Variants in CAMTA1 observed in about 807,000 individuals in gnomAD.
The protein encoded by CAMTA1 is calmodulin binding transcription activator 1.
A neutral mutation model predicts 170.9 loss-of-function variants in CAMTA1; 27 were observed. The ratio of observed to expected loss-of-function variants is 0.16; its 90% CI spans 0.12 to 0.22. CAMTA1 has a LOEUF of 0.22. Among genes scored for constraint, CAMTA1 ranks in the 10% least tolerant of loss-of-function variants. The pLI, the probability that CAMTA1 is intolerant of heterozygous loss-of-function variation, is 1.00. For synonymous variants in CAMTA1, 833 were observed against 891.5 expected (o/e 0.93, Z 1.17); for missense variants, 1,619 against 2,217.2 (o/e 0.73, Z 5.42).
At chr1:7,607,425 G>GGATT (rs58963562) in intron 6 of CAMTA1, among the ~76,000 whole-genome samples, 13 of 151,244 alleles carry the variant, frequency 8.6e-5, no homozygotes, top group Non-Finnish European at 1.8e-4. Flanking sequence ...ATGGATGGAT[G>GGATT]TGTAGATGGA....
chr1:7,366,345 A>T (rs966741143), intron 5 of CAMTA1, among the ~76,000 whole-genome samples: 2 of 152,098 alleles, frequency 1.3e-5, no homozygotes, highest in Non-Finnish European at 2.9e-5. Context: ...CATGAGGTAT[A>T]TTCCACATGG....
chr1:7,612,169 T>C (rs1234926545), intron 6 of CAMTA1, among the ~76,000 whole-genome samples: 1 of 152,190 alleles, frequency 6.6e-6, no homozygotes, highest in Admixed American at 6.5e-5. Flanking sequence ...TCTTGTCCGG[T>C]ATCCCAGAAG....
intron 6 of CAMTA1, among the ~76,000 whole-genome samples, chr1:7,499,666 CATGA>C (rs1485528888): frequency 1.7e-5 from 2 of 119,588 alleles, no homozygotes; most frequent in African/African-American, 6.6e-5. Flanking sequence ...TGAGTGTGTG[CATGA>C]GTGTGTGTGA....
chr1:7,499,768 TG>T (rs1557824366), intron 6 of CAMTA1, among the ~76,000 whole-genome samples: 2 of 123,532 alleles, frequency 1.6e-5, no homozygotes, highest in Non-Finnish European at 3.3e-5. Context: ...GAGCCTGTTG[TG>T]AGTGTGTGTG....
At chr1:7,402,553 T>G (rs2089982180) in intron 5 of CAMTA1, among the ~76,000 whole-genome samples, 1 of 152,210 alleles carries the variant, frequency 6.6e-6, no homozygotes, top group Non-Finnish European at 1.5e-5. Flanking sequence ...GCCCATTATA[T>G]GCTGCAGTCG....
At chr1:7,438,094 G>A (rs969512170) in intron 5 of CAMTA1, among the ~76,000 whole-genome samples, 3 of 152,196 alleles carry the variant, frequency 2.0e-5, no homozygotes, top group African/African-American at 7.2e-5. Flanking sequence ...TCAGGAGTAG[G>A]GGTGTAGAGG....
At chr1:6,926,452 C>CT (rs772101602) in intron 3 of CAMTA1, among the ~76,000 whole-genome samples, 1 of 107,726 alleles carries the variant, frequency 9.3e-6, no homozygotes, top group Admixed American at 8.5e-5. Flanking sequence ...TTCTTTCTTT[C>CT]TTTCTTTCTT....
At chr1:7,559,368 C>A (rs988192382) in intron 6 of CAMTA1, among the ~76,000 whole-genome samples, 2 of 152,022 alleles carry the variant, frequency 1.3e-5, no homozygotes, top group Non-Finnish European at 2.9e-5. Flanking sequence ...TGGCCCTGGA[C>A]GGCCACAGCA....
At chr1:7,131,230 GTGCGAGCCAC>G (rs1340741192) in intron 4 of CAMTA1, among the ~76,000 whole-genome samples, 4 of 152,138 alleles carry the variant, frequency 2.6e-5, no homozygotes, top group Non-Finnish European at 4.4e-5. Context: ...AGGATTACAG[GTGCGAGCCAC>G]TGCGCCCGGC....
Position 7,467,700 on chromosome 1 carries a change from G to A in CAMTA1, c.439-130G>A, listed in dbSNP as rs374402477. On this transcript the variant is annotated intron_variant, in intron 5 of 22. Coordinates refer to ENST00000303635, the MANE Select transcript of CAMTA1 (RefSeq NM_015215.4). ...CTTGGAGCTGGAGCCAGACGCAGAGGTGCCCTCGGTCTCCCTGGGCCGCTG... is the reference window on the plus strand; with the variant it reads ...CTTGGAGCTGGAGCCAGACGCAGAGATGCCCTCGGTCTCCCTGGGCCGCTG... 7.2e-6 allele frequency: 6 copies of A among 831,544 alleles called. No individual in the cohort carries two copies. In the East Asian group the frequency reaches 9.7e-5, roughly 13 times the overall value. 51.5% of individuals were successfully genotyped at this position (831,544 alleles called of 1,614,324 possible). A position where few individuals can be genotyped will look rare whatever the true frequency, so the allele number is the denominator to read the frequency against.
chr1:6,893,601 T>G (rs997466926), intron 3 of CAMTA1, among the ~76,000 whole-genome samples: 1 of 152,240 alleles, frequency 6.6e-6, no homozygotes, highest in Non-Finnish European at 1.5e-5. Flanking sequence ...ACATGCGCAC[T>G]GAGGGGGTTG....
chr1:7,323,532 T>TA (rs1678803401), intron 5 of CAMTA1, among the ~76,000 whole-genome samples: 1 of 99,844 alleles, frequency 1.0e-5, no homozygotes, highest in East Asian at 3.0e-4. Context: ...TTTTTTTTTT[T>TA]ATCTTTTTGA....
rs1288029138 is a variant in CAMTA1 at position 6,970,097 on chromosome 1, A to G, written c.235-121207A>G. On this transcript the variant is annotated intron_variant, in intron 3 of 22. Coordinates refer to ENST00000303635, the MANE Select transcript of CAMTA1 (RefSeq NM_015215.4). The surrounding 1 kb of genome is among the most constrained non-coding windows in gnomAD (Gnocchi z 4.4). ...CCAGGATCTCTAACCCCAGTCAACC[A>G]CTAATTTGTTCACCATCTCTGTAAG... is the stretch of plus-strand genomic sequence containing the variant. 6.6e-6 allele frequency among the ~76,000 whole-genome samples: 1 copy of G among 152,184 alleles called. No individual in the cohort carries two copies. The highest frequency in any genetic ancestry group is 1.5e-5 in the Non-Finnish European group (1 of 68,040).
intron 3 of CAMTA1, among the ~76,000 whole-genome samples, chr1:6,893,218 G>A (rs903732031): frequency 2.2e-4 from 34 of 152,022 alleles, no homozygotes; most frequent in African/African-American, 8.2e-4. Context: ...CCGAGATCGC[G>A]TCATTGCACT....
In CAMTA1 at chr1:7,736,961, A is replaced by G. The variant is rs1344002110; in HGVS notation, c.3294A>G (p.Glu1098=). The G allele has an allele frequency of 1.9e-6, 3 of 1,613,488 alleles. No homozygotes were observed. Among genetic ancestry groups the G allele is most frequent in the East Asian group, 2.2e-5 (1 of 44,848 alleles). ...RTKHADSIDL[E]LEVDPLNVDH... ...AGCACGCGGATAGCATTGACCTGGA[A>G]CTGGAAGTTGACCCCTTGAATGTGG... Residue 1098 remains glutamate, a synonymous_variant, in exon 14 of 23, where the codon GAA becomes GAG. Transcript: ENST00000303635. This position sits in a 1 kb window ranked among gnomAD's most constrained non-coding sequence, Gnocchi z 4.5.
intron 4 of CAMTA1, among the ~76,000 whole-genome samples, chr1:7,229,019 A>T (rs904468056): frequency 2.6e-5 from 4 of 152,020 alleles, no homozygotes; most frequent in African/African-American, 9.7e-5. Context: ...GCAGTACAGA[A>T]AGTGTGTGCG....
At chr1:7,396,134 C>T (rs1458606508) in intron 5 of CAMTA1, among the ~76,000 whole-genome samples, 1 of 152,178 alleles carries the variant, frequency 6.6e-6, no homozygotes, top group East Asian at 1.9e-4. Flanking sequence ...TCATGAATGA[C>T]TTGGTGTCAT....
intron 4 of CAMTA1, among the ~76,000 whole-genome samples, chr1:7,133,927 G>A (rs965453789): frequency 2.0e-5 from 3 of 152,126 alleles, no homozygotes; most frequent in Non-Finnish European, 4.4e-5. Context: ...TTTAGATACC[G>A]AGGGTATGTG....
At chr1:7,192,547 A>G (rs2148955610) in intron 4 of CAMTA1, among the ~76,000 whole-genome samples, 1 of 152,318 alleles carries the variant, frequency 6.6e-6, no homozygotes, top group Non-Finnish European at 1.5e-5. Flanking sequence ...CTGAGGCTGG[A>G]GGCAAGTTGG....
Sources: gnomAD v4.1 joint callset for allele counts (sites outside exome capture counted in the v4.1 genomes callset) on GRCh38, gnomAD v4.1.1 for gene constraint, Gnocchi (gnomAD v3.1) non-coding constraint, MANE v1.5 for transcripts, NCBI Gene and HGNC (gene_info 2026-07-23, HGNC 2026-07-21) for gene names.